The following CNTNAP2 variants were observed in gnomAD, a reference collection of about 807,000 sequenced individuals.
CNTNAP2 encodes contactin associated protein 2.
In CNTNAP2, 98 loss-of-function variants were observed where a neutral mutation model predicts 155.2. That is an observed-to-expected ratio of 0.63 (90% CI 0.54 to 0.75). CNTNAP2 has a LOEUF of 0.75. Ranked by LOEUF, CNTNAP2 falls within the 30% of genes least tolerant of loss-of-function variation. The pLI is 0.00. For missense variants in CNTNAP2, 1,727 were observed against 1,688.1 expected, an observed-to-expected ratio of 1.02 and a Z score of -0.40; for synonymous variants, 651 against 631.2, an observed-to-expected ratio of 1.03 and a Z score of -0.47.
chr7:148,131,458 G>A (rs1211909920), intron 16 of CNTNAP2, among the ~76,000 whole-genome samples: 1 of 151,984 alleles, frequency 6.6e-6, no homozygotes, highest in African/African-American at 2.4e-5. Context: ...TCTAAAAGAT[G>A]GCCTGTTAAA....
chr7:146,964,767 G>A (rs1362029872), intron 3 of CNTNAP2, among the ~76,000 whole-genome samples: 2 of 152,022 alleles, frequency 1.3e-5, no homozygotes, highest in African/African-American at 2.4e-5. Flanking sequence ...TCAGCCAAAC[G>A]ATGTCAGTTT....
chr7:148,156,574 G>C (rs1244186421), intron 17 of CNTNAP2, among the ~76,000 whole-genome samples: 1 of 152,070 alleles, frequency 6.6e-6, no homozygotes, highest in African/African-American at 2.4e-5. Context: ...CCATCCAATG[G>C]CTTCTGATAA....
chr7:146,479,154 C>T (rs1198110205), intron 1 of CNTNAP2, among the ~76,000 whole-genome samples: 1 of 152,142 alleles, frequency 6.6e-6, no homozygotes, highest in African/African-American at 2.4e-5. Context: ...ACAGCCCAAC[C>T]TACCTACCTT....
chr7:148,096,916 T>C (rs1803984022), intron 15 of CNTNAP2, among the ~76,000 whole-genome samples: 1 of 152,068 alleles, frequency 6.6e-6, no homozygotes, highest in South Asian at 2.1e-4. Context: ...AGGCTCTGAG[T>C]CTGAGGAGAA....
intron 13 of CNTNAP2, among the ~76,000 whole-genome samples, chr7:147,812,505 T>TA (rs111453178): frequency 0.015 from 2,109 of 137,952 alleles, 47 homozygotes; most frequent in African/African-American, 0.05. Flanking sequence ...ATTTAAAAAG[T>TA]AAAAAAAAAA....
chr7:146,626,161 A>G (rs1340941417), intron 1 of CNTNAP2, among the ~76,000 whole-genome samples: 1 of 152,178 alleles, frequency 6.6e-6, no homozygotes, highest in East Asian at 1.9e-4. Context: ...ATCTAAAGGC[A>G]ATAGATATTA....
At chr7:147,271,508 T>C (rs577091998) in intron 8 of CNTNAP2, among the ~76,000 whole-genome samples, 1 of 152,260 alleles carries the variant, frequency 6.6e-6, no homozygotes, top group Admixed American at 6.5e-5. Flanking sequence ...TTAGTCTGTT[T>C]TCACACTGCT....
At chr7:146,663,996 G>A (rs937532665) in intron 1 of CNTNAP2, among the ~76,000 whole-genome samples, 8 of 152,026 alleles carry the variant, frequency 5.3e-5, no homozygotes, top group South Asian at 2.1e-4. Context: ...TTACCTGCAG[G>A]CTTTTGTAGA....
intron 1 of CNTNAP2, among the ~76,000 whole-genome samples, chr7:146,667,608 G>T (rs993651317): frequency 6.6e-6 from 1 of 151,658 alleles, no homozygotes; most frequent in Non-Finnish European, 1.5e-5. Context: ...ACATGAGTAT[G>T]ATGTATCTTT....
chr7:146,695,016 A>G (rs1054864545), intron 1 of CNTNAP2, among the ~76,000 whole-genome samples: 1 of 152,172 alleles, frequency 6.6e-6, no homozygotes, highest in African/African-American at 2.4e-5. Context: ...CTACATAGGT[A>G]ATCATGACAT....
chr7:147,145,497 G>C (rs1205774893), intron 8 of CNTNAP2, among the ~76,000 whole-genome samples: 1 of 152,082 alleles, frequency 6.6e-6, no homozygotes. Context: ...TGACCACCCT[G>C]ACCTGAAGGA....
chr7:148,415,950 G>A lies in CNTNAP2; in HGVS notation c.*334G>A, dbSNP rs1799978374. ...GTGTTCTAAAGACCCGTGGTAACAG[G>A]GCAAGTTTTCTACGTTTTTAAGAGC... is the stretch of plus-strand genomic sequence containing the variant. On this transcript the variant is annotated 3_prime_UTR_variant, in exon 24 of 24. Transcript: ENST00000361727. 1 of 326,466 alleles carries A rather than the reference G, an allele frequency of 3.1e-6. No individual in the cohort carries two copies. 20.2% of individuals were successfully genotyped at this position (326,466 alleles called of 1,614,324 possible). A position where few individuals can be genotyped will look rare whatever the true frequency, so the allele number is the denominator to read the frequency against.
chr7:146,163,640 C>T (rs982820393), intron 1 of CNTNAP2, among the ~76,000 whole-genome samples: 2 of 147,444 alleles, frequency 1.4e-5, no homozygotes, highest in Admixed American at 6.8e-5. Flanking sequence ...CCTGGCTACT[C>T]GGGAAGCTAA....
At chr7:146,815,755 A>C (rs1400642415) in intron 2 of CNTNAP2, among the ~76,000 whole-genome samples, 2 of 143,900 alleles carry the variant, frequency 1.4e-5, no homozygotes, top group African/African-American at 5.1e-5. Context: ...AGTAAAGGAT[A>C]TAGAGCACTT....
chr7:147,848,961 G>A (rs1037117136), intron 13 of CNTNAP2, among the ~76,000 whole-genome samples: 1 of 151,900 alleles, frequency 6.6e-6, no homozygotes, highest in Non-Finnish European at 1.5e-5. Context: ...CTCCATATTA[G>A]AGATTCTGTA....
chr7:147,996,958 C>T (rs954778017), intron 15 of CNTNAP2, among the ~76,000 whole-genome samples: 5 of 152,092 alleles, frequency 3.3e-5, no homozygotes, highest in African/African-American at 1.2e-4. Flanking sequence ...GGTCATGAGG[C>T]CACTCCCATT....
chr7:148,174,465 A>G (rs538751078), intron 18 of CNTNAP2, among the ~76,000 whole-genome samples: 2 of 152,232 alleles, frequency 1.3e-5, no homozygotes, highest in Non-Finnish European at 2.9e-5. Context: ...CTCAGCCTCT[A>G]CAAAGAGCTT....
chr7:147,813,894 T>C (rs1014308992), intron 13 of CNTNAP2, among the ~76,000 whole-genome samples: 3 of 152,200 alleles, frequency 2.0e-5, no homozygotes, highest in Admixed American at 6.5e-5. Context: ...AAGAATATTA[T>C]AGTTCCTTTG....
chr7:146,321,818 A>G lies in CNTNAP2; in HGVS notation c.97+204845A>G, dbSNP rs190277438. On this transcript the variant is annotated intron_variant, in intron 1 of 23. Transcript: ENST00000361727. ...GTTTTTCATCTGTGGTCACAAAGGC[A>G]CAAGTAATCTAGTTTAAAATATCTA... Among the ~76,000 whole-genome samples, 67 of 152,328 alleles carry G rather than the reference A, an allele frequency of 4.4e-4. No homozygotes were observed. In the East Asian group the frequency reaches 0.01, roughly 23 times the overall value.
Sources: gnomAD v4.1 joint callset for allele counts (sites outside exome capture counted in the v4.1 genomes callset) on GRCh38, gnomAD v4.1.1 for gene constraint, MANE v1.5 for transcripts, NCBI Gene and HGNC (gene_info 2026-07-23, HGNC 2026-07-21) for gene names.